The following SECISBP2 variants were observed in gnomAD, a reference collection of about 807,000 sequenced individuals.
SECISBP2 encodes the protein selenocysteine insertion sequence-binding protein 2.
Under a neutral mutation model 98.2 loss-of-function variants are expected in SECISBP2, and 96 were observed. The ratio of observed to expected loss-of-function variants is 0.98; its 90% CI spans 0.83 to 1.16. SECISBP2 has a LOEUF of 1.16. Ranked by LOEUF, SECISBP2 falls within the 50% of genes most tolerant of loss-of-function variation. The pLI is 0.00. For synonymous variants in SECISBP2, 407 were observed against 370.2 expected (o/e 1.10, Z -1.14); for missense variants, 1,046 against 1,022.9 (o/e 1.02, Z -0.31).
At chr9:89,354,512 G>A (rs565875653) in intron 14 of SECISBP2, among the ~76,000 whole-genome samples, 6 of 152,286 alleles carry the variant, frequency 3.9e-5, no homozygotes, top group Admixed American at 3.9e-4. Context: ...AGCGCCTAGG[G>A]TTCTGTTGGG....
chr9:89,348,266 A>C, intron 12 of SECISBP2, 52 bp downstream of exon 12: 1 of 1,605,912 alleles, frequency 6.2e-7, no homozygotes. Context: ...AGCAACTATG[A>C]AAAGGATGAG....
intron 9 of SECISBP2, 111 bp from the exon 10 acceptor site, chr9:89,341,236 C>A (rs992885405): frequency 3.8e-6 from 4 of 1,064,610 alleles, no homozygotes; most frequent in Middle Eastern, 3.0e-4. Context: ...TTTAAAAATT[C>A]TTTTTTATAG....
chr9:89,324,066 C>CT (rs1826268316), intron 2 of SECISBP2: 1 of 152,180 alleles, frequency 6.6e-6, no homozygotes, highest in South Asian at 2.1e-4. Flanking sequence ...TTGGGACAGT[C>CT]TTTTTCACAT....
chr9:89,350,355 C>T (rs1160906893), intron 13 of SECISBP2, among the ~76,000 whole-genome samples: 2 of 152,140 alleles, frequency 1.3e-5, no homozygotes, highest in Admixed American at 6.5e-5. Flanking sequence ...GGGAGATGCA[C>T]GGGGTAGTGG....
chr9:89,341,763 A>G (rs1455283920), intron 10 of SECISBP2, among the ~76,000 whole-genome samples: 1 of 152,250 alleles, frequency 6.6e-6, no homozygotes, highest in Non-Finnish European at 1.5e-5. Flanking sequence ...GCTAAAGAAT[A>G]GTCATACCTC....
intron 2 of SECISBP2, 95 bp downstream of exon 2, chr9:89,319,892 T>A: frequency 7.8e-7 from 1 of 1,283,238 alleles, no homozygotes; most frequent in Non-Finnish European, 1.1e-6. Context: ...GCACTAAAGT[T>A]CTGCAGATGA....
intron 5 of SECISBP2, 62 bp downstream of exon 5, chr9:89,328,948 A>G: frequency 7.6e-7 from 1 of 1,308,370 alleles, no homozygotes; most frequent in Non-Finnish European, 1.1e-6. Flanking sequence ...TCTCATTTCA[A>G]ACATTACACA....
intron 7 of SECISBP2, among the ~76,000 whole-genome samples, chr9:89,338,172 G>A (rs1040710674): frequency 2.0e-5 from 3 of 152,190 alleles, no homozygotes; most frequent in African/African-American, 7.2e-5. Context: ...GGATCAGGAA[G>A]GTCACGAACA....
chr9:89,319,927 A>G, intron 2 of SECISBP2, 130 bp downstream of exon 2: 3 of 993,144 alleles, frequency 3.0e-6, no homozygotes, highest in Non-Finnish European at 4.7e-6. Flanking sequence ...TCAACCAAGA[A>G]GAGTCTGAGC....
intron 2 of SECISBP2, chr9:89,324,291 A>G (rs1826312276): frequency 6.6e-6 from 1 of 152,242 alleles, no homozygotes; most frequent in African/African-American, 2.4e-5. Flanking sequence ...GTTTTGTTGG[A>G]CAGACAAAGG....
chr9:89,335,560 A>C (rs1828523767), intron 7 of SECISBP2, among the ~76,000 whole-genome samples: 1 of 152,000 alleles, frequency 6.6e-6, no homozygotes, highest in South Asian at 2.1e-4. Context: ...CTCACTCCTG[A>C]CCTCAGGTGA....
chr9:89,356,591 A>T (rs1832117629), intron 14 of SECISBP2: 1 of 151,310 alleles, frequency 6.6e-6, no homozygotes, highest in South Asian at 2.1e-4. Context: ...TCCTGAGTAG[A>T]TTGACTACAG....
At chr9:89,340,535 G>A (rs116957902) in intron 9 of SECISBP2, among the ~76,000 whole-genome samples, 2,203 of 152,254 alleles carry the variant, frequency 0.014, 27 homozygotes, top group Non-Finnish European at 0.022. Context: ...TGTTGTTTTC[G>A]CATTCATGAA....
intron 9 of SECISBP2, among the ~76,000 whole-genome samples, chr9:89,341,014 C>G (rs1412209186): frequency 6.6e-6 from 1 of 152,188 alleles, no homozygotes; most frequent in Non-Finnish European, 1.5e-5. Flanking sequence ...ACCAAGTAGC[C>G]TCACACACAG....
At chr9:89,338,414 A>C in intron 7 of SECISBP2, 44 bp from the exon 8 acceptor site, 1 of 1,610,028 alleles carries the variant, frequency 6.2e-7, no homozygotes, top group Non-Finnish European at 8.5e-7. Flanking sequence ...CATTCTATTG[A>C]CCGCCCTAAA....
In SECISBP2 at chr9:89,341,397, C is replaced by T. The variant is rs531701432; in HGVS notation, c.1353C>T (p.Asp451=). Residue 451 remains aspartate (D), a synonymous_variant, in exon 10 of 17, where the codon GAC becomes GAT. Coordinates refer to ENST00000375807, the MANE Select transcript of SECISBP2 (RefSeq NM_024077.5). Reference sequence around the variant, plus strand: ...AGAGCCAGCTTCCAGTGCAGTTGGACTTGGGGGGCATGCTGACAGCCCTGG... The same window carrying T: ...AGAGCCAGCTTCCAGTGCAGTTGGATTTGGGGGGCATGCTGACAGCCCTGG... ...VKKSQLPVQL[D]LGGMLTALEK... is the part of the protein sequence containing the mutation. The T allele has an allele frequency of 4.3e-6, 7 of 1,614,026 alleles. No homozygotes were observed. In the East Asian group the frequency reaches 1.6e-4, roughly 36 times the overall value.
rs907033644 is a variant in SECISBP2 at position 89,334,502 on chromosome 9, T to G, written c.881-20T>G. The stretch of plus-strand genomic sequence containing the variant: ...TTTTACTGTTGAGATTGTTCAACAA[T>G]TTTGGTTATCTTTGAGCAGAGTTAT... On this transcript the variant is annotated intron_variant, in intron 6 of 16. Transcript: ENST00000375807. The G allele has an allele frequency of 6.2e-7, 1 of 1,605,750 alleles. No homozygotes were observed. The highest frequency in any genetic ancestry group is 8.5e-7 in the Non-Finnish European group (1 of 1,172,636).
chr9:89,349,708 T>TG, intron 12 of SECISBP2, 68 bp from the exon 13 acceptor site: 1 of 1,565,768 alleles, frequency 6.4e-7, no homozygotes, highest in African/African-American at 1.4e-5. Flanking sequence ...GAGACTGCAT[T>TG]GGGCCAGCCC....
chr9:89,349,158 A>G (rs1830886798), intron 12 of SECISBP2, among the ~76,000 whole-genome samples: 1 of 152,190 alleles, frequency 6.6e-6, no homozygotes, highest in African/African-American at 2.4e-5. Flanking sequence ...CAACCTTGCC[A>G]TTCTTGTGGG....
Sources: allele counts gnomAD v4.1 joint callset (sites outside exome capture counted in the v4.1 genomes callset), GRCh38; gene constraint gnomAD v4.1.1; transcripts MANE v1.5; gene names NCBI Gene and HGNC (gene_info 2026-07-23, HGNC 2026-07-21).